NFIB: variants seen among roughly 807,000 people sequenced by gnomAD.
The protein encoded by NFIB is nuclear factor I B, also known as nuclear factor 1 B-type.
A neutral mutation model predicts 61.5 loss-of-function variants in NFIB; 11 were observed. That is an observed-to-expected ratio of 0.18 (90% CI 0.11 to 0.30). The LOEUF is 0.30. Ranked by LOEUF, NFIB falls within the 10% of genes least tolerant of loss-of-function variation. NFIB has a pLI of 1.00. For missense variants in NFIB, 471 were observed against 608.9 expected (o/e 0.77, Z 2.38); for synonymous variants, 260 against 216.5 (o/e 1.20, Z -1.76).
intron 2 of NFIB, among the ~76,000 whole-genome samples, chr9:14,300,826 T>C (rs1418420973): frequency 6.6e-6 from 1 of 152,086 alleles, no homozygotes; most frequent in African/African-American, 2.4e-5. Flanking sequence ...AAGCAAACGG[T>C]TTTATATAGC....
chr9:14,303,106 A>C (rs2059837010), intron 2 of NFIB, among the ~76,000 whole-genome samples: 1 of 152,082 alleles, frequency 6.6e-6, no homozygotes, highest in Non-Finnish European at 1.5e-5. Context: ...TCTCTTTTTA[A>C]ACATGTATTC....
intron 1 of NFIB, among the ~76,000 whole-genome samples, chr9:14,388,888 T>A (rs1456449679): frequency 1.3e-5 from 2 of 152,224 alleles, no homozygotes; most frequent in Non-Finnish European, 2.9e-5. Context: ...CAGGAATAAC[T>A]AGATCAATGG....
At chr9:14,110,065 T>C (rs2037117126) in intron 10 of NFIB, among the ~76,000 whole-genome samples, 1 of 152,124 alleles carries the variant, frequency 6.6e-6, no homozygotes, top group African/African-American at 2.4e-5. Context: ...ACAGGTGAAG[T>C]ACAGGGTTCA....
At chr9:14,449,264 A>G in the NFIB span, among the ~76,000 whole-genome samples, 22 of 152,284 alleles carry the variant, frequency 1.4e-4, no homozygotes, top group Admixed American at 9.2e-4. Flanking sequence ...TATTTCCCCA[A>G]CTATGCTTCA....
At chr9:14,261,744 G>T (rs932981000) in intron 2 of NFIB, among the ~76,000 whole-genome samples, 2 of 152,162 alleles carry the variant, frequency 1.3e-5, no homozygotes, top group Non-Finnish European at 2.9e-5. Flanking sequence ...AAGTCTGTTG[G>T]GCCCACACAG....
intron 6 of NFIB, among the ~76,000 whole-genome samples, chr9:14,133,401 C>G (rs772455575): frequency 6.6e-5 from 10 of 151,926 alleles, no homozygotes; most frequent in Non-Finnish European, 1.0e-4. Flanking sequence ...TGGAAGACAA[C>G]AGGAAAAAGA....
intron 1 of NFIB, among the ~76,000 whole-genome samples, chr9:14,364,514 A>ATAT (rs1467699106): frequency 1.3e-5 from 2 of 152,254 alleles, no homozygotes; most frequent in African/African-American, 4.8e-5. Flanking sequence ...AATACCTAAT[A>ATAT]ATTATTAAAG....
chr9:14,130,735 G>C (rs968523867), intron 6 of NFIB, among the ~76,000 whole-genome samples: 1 of 152,008 alleles, frequency 6.6e-6, no homozygotes, highest in Non-Finnish European at 1.5e-5. Flanking sequence ...ACCGTGTCTA[G>C]GCAGCTTATT....
At position 14,082,054 on chromosome 9, in the gene NFIB, G is replaced by A. The variant is rs762958508; in HGVS notation, c.*6255C>T. On this transcript the variant is annotated 3_prime_UTR_variant, in exon 11 of 11. Transcript: ENST00000380953. ...AACCCACAAAAAGTACCCAAAGAAC[G>A]TTATCCTCCAACCGGGCACAATAAA... The A allele has an allele frequency of 7.1e-5, 15 of 210,444 alleles. No individual in the cohort carries two copies. Among genetic ancestry groups the A allele is most frequent in the Non-Finnish European group, 1.2e-4 (12 of 103,326 alleles). 13.0% of individuals were successfully genotyped at this position (210,444 alleles called of 1,614,324 possible).
intron 2 of NFIB, among the ~76,000 whole-genome samples, chr9:14,299,431 G>A (rs1252984254): frequency 6.6e-6 from 1 of 152,188 alleles, no homozygotes; most frequent in Non-Finnish European, 1.5e-5. Context: ...ACTATTTTGA[G>A]AAATAGACTA....
intron 1 of NFIB, among the ~76,000 whole-genome samples, chr9:14,356,278 C>A (rs1011933270): frequency 6.6e-6 from 1 of 152,154 alleles, no homozygotes; most frequent in South Asian, 2.1e-4. Context: ...AAGAAAGGCA[C>A]AGATACTCCC....
At chr9:14,112,965 G>C (rs1378494131) in intron 10 of NFIB, 34 bp downstream of exon 10, 2 of 1,544,250 alleles carry the variant, frequency 1.3e-6, no homozygotes, top group East Asian at 4.9e-5. Flanking sequence ...CGAAAGCGTG[G>C]CTACACCGTC....
At chr9:14,514,323 T>TATACACACACAC in the NFIB span, among the ~76,000 whole-genome samples, 1 of 147,330 alleles carries the variant, frequency 6.8e-6, no homozygotes, top group Non-Finnish European at 1.5e-5. Flanking sequence ...CATACATACA[T>TATACACACACAC]ACATACACAC....
the NFIB span, among the ~76,000 whole-genome samples, chr9:14,482,530 T>A: frequency 1.3e-5 from 2 of 152,196 alleles, no homozygotes; most frequent in South Asian, 4.1e-4. Flanking sequence ...TTTGATCACA[T>A]AGAACGTAAG....
At chr9:14,204,816 G>A in intron 2 of NFIB, 2 of 484,922 alleles carry the variant, frequency 4.1e-6, no homozygotes, top group Non-Finnish European at 7.6e-6. Context: ...ACAAGACTGG[G>A]ACATCTAATC....
the NFIB span, among the ~76,000 whole-genome samples, chr9:14,474,480 A>G: frequency 6.6e-6 from 1 of 152,198 alleles, no homozygotes; most frequent in Non-Finnish European, 1.5e-5. Context: ...TATTCCATCT[A>G]TAGCATTCGC....
At chr9:14,339,879 C>T (rs1481418665) in intron 1 of NFIB, among the ~76,000 whole-genome samples, 3 of 152,154 alleles carry the variant, frequency 2.0e-5, no homozygotes, top group Non-Finnish European at 2.9e-5. Context: ...GAAAGACAGT[C>T]GTCAGTGGCA....
In NFIB at chr9:14,237,842, AGTGTGTGTGTGTGT is replaced by A. The variant is rs200054648; in HGVS notation, c.563-58076_563-58063del. Among the ~76,000 whole-genome samples the A allele has an allele frequency of 3.0e-3, 156 of 52,540 alleles. 4 individuals carry two copies. The highest frequency in any genetic ancestry group is 7.5e-3 in the African/African-American group (97 of 12,850). The allele number at this position is 52,540 out of a possible 152,430, so 34.5% of individuals were successfully genotyped here. ...AGCTCCTCACCCTGCTAGGTATAAC[AGTGTGTGTGTGTGT>A]GTGTGTGTGTGTGTGTGTGTGTGTG... On this transcript the variant is annotated intron_variant, in intron 2 of 10. Coordinates refer to ENST00000380953, the MANE Select transcript of NFIB (RefSeq NM_001190737.2).
chr9:14,432,675 A>G, the NFIB span, among the ~76,000 whole-genome samples: 1 of 152,172 alleles, frequency 6.6e-6, no homozygotes, highest in Non-Finnish European at 1.5e-5. Context: ...GGAAAGCACA[A>G]TTTGTGGGGG....
Sources: gnomAD v4.1 joint callset for allele counts (sites outside exome capture counted in the v4.1 genomes callset) on GRCh38, gnomAD v4.1.1 for gene constraint, MANE v1.5 for transcripts, NCBI Gene and HGNC (gene_info 2026-07-23, HGNC 2026-07-21) for gene names.